Variants in NELFB observed in about 807,000 individuals in gnomAD.
NELFB encodes negative elongation factor complex member B.
Under a neutral mutation model 60.2 loss-of-function variants are expected in NELFB, and 34 were observed. That is an observed-to-expected ratio of 0.56 (90% CI 0.43 to 0.75). The LOEUF is 0.75. Ranked by LOEUF, NELFB falls within the 30% of genes least tolerant of loss-of-function variation. The pLI is 0.00. For missense variants in NELFB, 770 were observed against 831.6 expected (o/e 0.93, Z 0.91); for synonymous variants, 459 against 382.1 (o/e 1.20, Z -2.35).
chr9:137,257,334 T>G (rs1837571373), intron 4 of NELFB, among the ~76,000 whole-genome samples: 1 of 152,246 alleles, frequency 6.6e-6, no homozygotes, highest in South Asian at 2.1e-4. Flanking sequence ...CCCTACTTTT[T>G]TTCTTTTTCT....
chr9:137,258,267 G>C (rs985832480), intron 4 of NELFB, among the ~76,000 whole-genome samples: 6 of 151,552 alleles, frequency 4.0e-5, no homozygotes, highest in Middle Eastern at 3.4e-3. Flanking sequence ...GGGACCACCG[G>C]TGTGTGACAC....
chr9:137,262,293 G>T lies in NELFB; in HGVS notation c.742-744G>T, dbSNP rs756128980. ...CCCTGTCTGCTAAGTAGCGGGTGTT[G>T]TTCCTTCACATTTTTCGCTACCGCT... is the stretch of plus-strand genomic sequence containing the variant. On this transcript the variant is annotated intron_variant, in intron 4 of 12. Transcript: ENST00000343053. Among the ~76,000 whole-genome samples, 6 of 152,300 alleles carry T rather than the reference G, an allele frequency of 3.9e-5. No homozygotes were observed. In the South Asian group the frequency reaches 6.2e-4, roughly 16 times the overall value.
At chr9:137,263,292 C>T in intron 5 of NELFB, 70 bp downstream of exon 5, 1 of 1,446,260 alleles carries the variant, frequency 6.9e-7, no homozygotes, top group Non-Finnish European at 9.4e-7. Flanking sequence ...CTCCTTCCCT[C>T]CCACTCCCCG....
At chr9:137,265,765 TG>T in intron 6 of NELFB, 111 bp from the exon 7 acceptor site, 1 of 717,142 alleles carries the variant, frequency 1.4e-6, no homozygotes, top group Non-Finnish European at 2.5e-6. Flanking sequence ...CAGCATGTGA[TG>T]GGCACCCGCT....
chr9:137,256,303 A>G (rs759089701), intron 2 of NELFB, 26 bp from the exon 3 acceptor site: 5 of 1,601,518 alleles, frequency 3.1e-6, no homozygotes, highest in African/African-American at 1.3e-5. Context: ...GCATCGCTGC[A>G]CCATCAATCC....
chr9:137,258,595 C>T (rs1027773030), intron 4 of NELFB, among the ~76,000 whole-genome samples: 5 of 149,034 alleles, frequency 3.4e-5, no homozygotes, highest in African/African-American at 4.9e-5. Flanking sequence ...ACTACAGGCG[C>T]GCCCCACCAT....
At chr9:137,265,217 C>G (rs1012694246) in intron 6 of NELFB, among the ~76,000 whole-genome samples, 1 of 151,184 alleles carries the variant, frequency 6.6e-6, no homozygotes, top group African/African-American at 2.4e-5. Context: ...GATGGGATTT[C>G]ACCACCTCGC....
chr9:137,262,537 G>A (rs1830462003), intron 4 of NELFB, among the ~76,000 whole-genome samples: 1 of 152,200 alleles, frequency 6.6e-6, no homozygotes, highest in Non-Finnish European at 1.5e-5. Flanking sequence ...GGAATAAAGA[G>A]TAATTGCTAC....
At chr9:137,257,658 A>G (rs1837577127) in intron 4 of NELFB, among the ~76,000 whole-genome samples, 1 of 151,568 alleles carries the variant, frequency 6.6e-6, no homozygotes, top group Non-Finnish European at 1.5e-5. Context: ...ATGCATCACC[A>G]CGCCCGGCTA....
At chr9:137,262,865 C>T (rs1473606057) in intron 4 of NELFB, among the ~76,000 whole-genome samples, 172 bp from the exon 5 acceptor site, 1 of 152,200 alleles carries the variant, frequency 6.6e-6, no homozygotes, top group African/African-American at 2.4e-5. Flanking sequence ...ATAACAGAAC[C>T]TGCTACCATC....
intron 4 of NELFB, among the ~76,000 whole-genome samples, chr9:137,258,625 T>A (rs945603163): frequency 6.6e-6 from 1 of 151,638 alleles, no homozygotes; most frequent in African/African-American, 2.4e-5. Context: ...ATTTTTTTAT[T>A]TTTTTGTTTA....
rs746055795 is a variant in NELFB at position 137,266,356 on chromosome 9, TC to T, written c.1171del (p.Arg391GlyfsTer12). ...GACAGCCCCGACCTCCTGCTGCTGC[TC>T]CGGCTGCTGGCGCTGGGCCAGGGAG... On this transcript the variant is annotated frameshift_variant, in exon 8 of 13. Coordinates refer to ENST00000343053, the MANE Select transcript of NELFB (RefSeq NM_015456.5). LOFTEE classifies it high-confidence loss of function. The T allele has an allele frequency of 6.2e-7, 1 of 1,612,950 alleles. No homozygotes were observed. The highest frequency in any genetic ancestry group is 1.1e-5 in the South Asian group (1 of 91,082).
chr9:137,272,124 C>T lies in NELFB; in HGVS notation c.1533C>T (p.His511=), dbSNP rs1197033986. 7 of 1,614,128 alleles carry T rather than the reference C, an allele frequency of 4.3e-6. No individual in the cohort carries two copies. The highest frequency in any genetic ancestry group is 1.6e-4 in the Middle Eastern group (1 of 6,084). The change falls in exon 11 of 13, where the codon CAC becomes CAT. Residue 511 remains histidine (H), a synonymous_variant. Coordinates refer to ENST00000343053, the MANE Select transcript of NELFB (RefSeq NM_015456.5). ...TGGCCTTTGGCGACATCTTCCTCCA[C>T]CTGCTCACGGGCAACCTTGCGCTGC...
intron 4 of NELFB, among the ~76,000 whole-genome samples, chr9:137,261,761 C>T (rs1830449568): frequency 6.6e-6 from 1 of 151,794 alleles, no homozygotes. Flanking sequence ...GAAGTAAAGA[C>T]ACAAGGCAAA....
Position 137,272,912 on chromosome 9 carries a change from C to A in NELFB, c.1871C>A (p.Ala624Asp). The change falls in exon 13 of 13, where the codon GCC (alanine) becomes GAC (aspartate). Residue 624 changes from alanine to aspartate, a missense_variant. Transcript: ENST00000343053. ...GAGCTGCCCCTCCCCAGCGTGCCCG[C>A]CCCTGCCCCGCTCTGAGGGCCCTCC... 1 of 1,537,664 alleles carries A rather than the reference C, an allele frequency of 6.5e-7. No homozygotes were observed. Among genetic ancestry groups the A allele is most frequent in the Non-Finnish European group, 8.8e-7 (1 of 1,139,846 alleles).
At chr9:137,264,094 A>G (rs1830489652) in intron 5 of NELFB, 151 bp from the exon 6 acceptor site, 3 of 619,958 alleles carry the variant, frequency 4.8e-6, no homozygotes, top group Non-Finnish European at 8.7e-6. Flanking sequence ...TGTGGGGAAC[A>G]CTGCACCGTC....
At position 137,266,980 on chromosome 9, in the gene NELFB, A is replaced by G; in HGVS notation, c.1276A>G (p.Met426Val). The G allele has an allele frequency of 1.2e-6, 2 of 1,613,926 alleles. No individual in the cohort carries two copies. The highest frequency in any genetic ancestry group is 1.7e-6 in the Non-Finnish European group (2 of 1,179,996). The change falls in exon 9 of 13, where the codon ATG becomes GTG. Residue 426 changes from methionine (M) to valine (V), a missense_variant. By Grantham distance (21) the Met-to-Val change is conservative. Transcript: ENST00000343053. Reference sequence around the variant, plus strand: ...CATCACCAGGTTCCTCCCGATGCTCATGTCCTTCCTGGTGGATGACTACAC... The same window carrying G: ...CATCACCAGGTTCCTCCCGATGCTCGTGTCCTTCCTGGTGGATGACTACAC...
Position 137,263,080 on chromosome 9 carries a change from T to C in NELFB, c.785T>C (p.Leu262Pro), listed in dbSNP as rs770225369. The C allele has an allele frequency of 2.0e-5, 32 of 1,613,828 alleles. No individual in the cohort carries two copies. The highest frequency in any genetic ancestry group is 2.6e-5 in the Non-Finnish European group (31 of 1,179,882). The change falls in exon 5 of 13, where the codon CTG (leucine) becomes CCG (proline). Residue 262 changes from leucine (L) to proline (P), a missense_variant. Transcript: ENST00000343053. ...CGGATGGTGGGGAAGAACGTGAAGC[T>C]GTACGACATGGTGCTGCAGTTTCTG...
rs771786311 is a variant in NELFB at position 137,265,857 on chromosome 9, C to T, written c.1041-20C>T. On this transcript the variant is annotated intron_variant, in intron 6 of 12. Transcript: ENST00000343053. ...AGGGGCAACAGGCGTCGCATTAATG[C>T]CAGGGCGGCCTCCTTCCAGGGACCT... is the stretch of plus-strand genomic sequence containing the variant. 6.4e-7 allele frequency: 1 copy of T among 1,564,654 alleles called. No individual in the cohort carries two copies. Among genetic ancestry groups the T allele is most frequent in the Admixed American group, 1.7e-5 (1 of 59,940 alleles).
Sources: gnomAD v4.1 joint callset for allele counts (sites outside exome capture counted in the v4.1 genomes callset) on GRCh38, gnomAD v4.1.1 for gene constraint, MANE v1.5 for transcripts, NCBI Gene and HGNC (gene_info 2026-07-23, HGNC 2026-07-21) for gene names.